Variants in RLIG1 observed in about 807,000 individuals in gnomAD.
The protein encoded by RLIG1 is RNA 5'-phosphate and 3'-OH ligase 1, also known as RNA ligase 1.
At chr12:88,040,173 CTG>C in the RLIG1 span, 14 of 1,609,740 alleles carry the variant, frequency 8.7e-6, no homozygotes, top group South Asian at 1.1e-5. Flanking sequence ...GCAACTGAAA[CTG>C]TAAGTCACAA....
At chr12:88,047,170 C>T in the RLIG1 span, among the ~76,000 whole-genome samples, 3 of 152,034 alleles carry the variant, frequency 2.0e-5, no homozygotes, top group East Asian at 1.9e-4. Context: ...TGTGGGGCAT[C>T]GATCATAACA....
the RLIG1 span, chr12:88,042,573 T>A: frequency 3.7e-6 from 1 of 272,228 alleles, no homozygotes; most frequent in African/African-American, 2.2e-5. Flanking sequence ...TCATACAATA[T>A]GACTATGCAG....
the RLIG1 span, chr12:88,041,760 A>G: frequency 6.6e-6 from 1 of 152,228 alleles, no homozygotes; most frequent in Non-Finnish European, 1.5e-5. Flanking sequence ...TGGATAGCTA[A>G]TAAGTAGTAC....
the RLIG1 span, chr12:88,049,050 GA>G: frequency 2.2e-6 from 1 of 458,218 alleles, no homozygotes; most frequent in East Asian, 3.5e-5. Context: ...TATTTATTAA[GA>G]ATTCCAATCT....
At chr12:88,040,829 G>C in the RLIG1 span, among the ~76,000 whole-genome samples, 3 of 151,886 alleles carry the variant, frequency 2.0e-5, no homozygotes, top group African/African-American at 7.3e-5. Flanking sequence ...TGGACGGTGA[G>C]ATTACCTCTC....
At chr12:88,036,729 T>C in the RLIG1 span, among the ~76,000 whole-genome samples, 4 of 152,222 alleles carry the variant, frequency 2.6e-5, no homozygotes, top group African/African-American at 9.6e-5. Context: ...CATGTCCTGC[T>C]CATTGCACCA....
the RLIG1 span, chr12:88,035,631 C>T: frequency 5.1e-5 from 82 of 1,592,638 alleles, no homozygotes; most frequent in Non-Finnish European, 6.4e-5. Context: ...TCCATTCGCA[C>T]TGCTTGTTGG....
chr12:88,040,395 GTCACAATTGTTATAGT>G, the RLIG1 span: 1 of 520,588 alleles, frequency 1.9e-6, no homozygotes, highest in Non-Finnish European at 3.4e-6. Context: ...AAACAAAAAG[GTCACAATTGTTATAGT>G]TCACTTATGT....
chr12:88,035,925 C>G, the RLIG1 span: 1 of 1,514,846 alleles, frequency 6.6e-7, no homozygotes, highest in Non-Finnish European at 8.8e-7. Context: ...GGTTCTTGTA[C>G]TTTTCTTAGT....
At chr12:88,046,622 A>G in the RLIG1 span, among the ~76,000 whole-genome samples, 1 of 152,186 alleles carries the variant, frequency 6.6e-6, no homozygotes, top group Non-Finnish European at 1.5e-5. Flanking sequence ...GAGTACACCA[A>G]GGTGGAATTT....
the RLIG1 span, among the ~76,000 whole-genome samples, chr12:88,043,166 C>T: frequency 6.6e-6 from 1 of 151,954 alleles, no homozygotes; most frequent in Non-Finnish European, 1.5e-5. Context: ...AAATGAGTGA[C>T]ATTTTGTGTA....
chr12:88,036,134 T>C, the RLIG1 span: 1 of 1,271,040 alleles, frequency 7.9e-7, no homozygotes, highest in African/African-American at 1.5e-5. Flanking sequence ...GGGTGGATAT[T>C]AGAAGACTTG....
chr12:88,047,159 G>A, the RLIG1 span, among the ~76,000 whole-genome samples: 10 of 152,048 alleles, frequency 6.6e-5, no homozygotes, highest in Admixed American at 1.3e-4. Flanking sequence ...AGTGTGTATT[G>A]TGTGGGGCAT....
chr12:88,037,201 CTA>C, the RLIG1 span, among the ~76,000 whole-genome samples: 8 of 152,160 alleles, frequency 5.3e-5, no homozygotes, highest in African/African-American at 1.9e-4. Context: ...TGGATCACCT[CTA>C]GAGTGTTTTT....
At chr12:88,039,234 C>G in the RLIG1 span, among the ~76,000 whole-genome samples, 1 of 152,072 alleles carries the variant, frequency 6.6e-6, no homozygotes, top group African/African-American at 2.4e-5. Flanking sequence ...TTTGCCTGCT[C>G]CCTGAGAATG....
At chr12:88,049,333 A>AATT in the RLIG1 span, 4 of 1,586,278 alleles carry the variant, frequency 2.5e-6, no homozygotes, top group East Asian at 2.2e-5. Flanking sequence ...TCTTCCTTGT[A>AATT]ATTATACTTA....
chr12:88,042,922 T>G, the RLIG1 span: 1 of 1,538,094 alleles, frequency 6.5e-7, no homozygotes, highest in Non-Finnish European at 8.7e-7. Context: ...ACCCAAAAGG[T>G]TAGTTTTTTT....
At chr12:88,039,066 CGTTCTTTGTGA>C in the RLIG1 span, among the ~76,000 whole-genome samples, 2 of 152,078 alleles carry the variant, frequency 1.3e-5, no homozygotes, top group African/African-American at 2.4e-5. Flanking sequence ...TATGCCAAAA[CGTTCTTTGTGA>C]TACATCTGAA....
chr12:88,047,018 A>G, the RLIG1 span: 2 of 1,527,828 alleles, frequency 1.3e-6, no homozygotes, highest in Admixed American at 2.0e-5. Flanking sequence ...GTCATCTTAT[A>G]TTCCTACAAT....
Sources: allele counts gnomAD v4.1 joint callset (sites outside exome capture counted in the v4.1 genomes callset), GRCh38; gene constraint gnomAD v4.1.1; transcripts MANE v1.5; gene names NCBI Gene and HGNC (gene_info 2026-07-23, HGNC 2026-07-21).